The following NRCAM variants were observed in gnomAD, a reference collection of about 807,000 sequenced individuals.
NRCAM encodes neuronal cell adhesion molecule, also known as NgCAM-related cell adhesion molecule.
In NRCAM, 83 loss-of-function variants were observed where a neutral mutation model predicts 156.5. The ratio of observed to expected loss-of-function variants is 0.53; its 90% CI spans 0.44 to 0.64. NRCAM has a LOEUF of 0.64. NRCAM is among the 30% of genes least tolerant of loss of function. The probability of loss-of-function intolerance (pLI) is 0.00; values close to 1 mark genes in which losing one functional copy is unlikely to be tolerated. For synonymous variants in NRCAM, 538 were observed against 563.9 expected, an observed-to-expected ratio of 0.95 and a Z score of 0.65; for missense variants, 1,417 against 1,597.3, an observed-to-expected ratio of 0.89 and a Z score of 1.92.
intron 17 of NRCAM, among the ~76,000 whole-genome samples, chr7:108,193,429 A>G (rs1024911397): frequency 1.3e-5 from 2 of 152,202 alleles, no homozygotes; most frequent in Non-Finnish European, 2.9e-5. Flanking sequence ...AAACTAACAC[A>G]TATCTACTCT....
chr7:108,235,475 C>CT (rs2094852753), intron 5 of NRCAM, among the ~76,000 whole-genome samples: 2 of 152,158 alleles, frequency 1.3e-5, no homozygotes, highest in Non-Finnish European at 2.9e-5. Flanking sequence ...AGTGTTATGA[C>CT]AGGAAGTGAC....
chr7:108,265,974 G>A (rs757428459), intron 3 of NRCAM, among the ~76,000 whole-genome samples: 3 of 152,236 alleles, frequency 2.0e-5, no homozygotes, highest in Non-Finnish European at 4.4e-5. Context: ...TCAGCAGTTT[G>A]AATAGCTCTG....
At chr7:108,446,849 TCCTG>T (rs944824621) in intron 1 of NRCAM, among the ~76,000 whole-genome samples, 1 of 151,708 alleles carries the variant, frequency 6.6e-6, no homozygotes, top group Non-Finnish European at 1.5e-5. Flanking sequence ...TGCCTCAGCC[TCCTG>T]AGTAGCTGGG....
intron 2 of NRCAM, among the ~76,000 whole-genome samples, chr7:108,351,661 T>C (rs1054410204): frequency 2.6e-5 from 4 of 152,212 alleles, no homozygotes; most frequent in African/African-American, 9.6e-5. Flanking sequence ...AGGGAGATAC[T>C]GGACTTACTG....
chr7:108,230,955 A>T lies in NRCAM; in HGVS notation c.550+76T>A, dbSNP rs2094252909. The T allele has an allele frequency of 5.3e-6, 6 of 1,140,860 alleles. No homozygotes were observed. The Admixed American group carries it at 1.4e-4, about 26-fold the overall frequency. The allele number at this position is 1,140,860 out of a possible 1,614,324, so 70.7% of individuals were successfully genotyped here. ...TCTCTAAAACATTTTATGAATCATA[A>T]GAGGTAATAATGTATTATGACTGTA... On this transcript the variant is annotated intron_variant, in intron 8 of 32. Transcript: ENST00000379028.
intron 1 of NRCAM, among the ~76,000 whole-genome samples, chr7:108,449,025 C>A (rs961404315): frequency 2.0e-5 from 3 of 152,304 alleles, no homozygotes; most frequent in Non-Finnish European, 4.4e-5. Context: ...TTAGGGGGAA[C>A]AAGTGCATCT....
At chr7:108,220,779 T>C (rs1462558933) in intron 11 of NRCAM, among the ~76,000 whole-genome samples, 11 of 152,204 alleles carry the variant, frequency 7.2e-5, no homozygotes, top group African/African-American at 1.9e-4. Flanking sequence ...CTTCTAGATA[T>C]TGGATTAGGC....
chr7:108,247,773 A>G (rs1280442884), intron 3 of NRCAM, among the ~76,000 whole-genome samples: 1 of 152,210 alleles, frequency 6.6e-6, no homozygotes, highest in East Asian at 1.9e-4. Context: ...GAATCATACT[A>G]GAACTCTGGC....
chr7:108,384,228 T>C (rs918442140), intron 2 of NRCAM, among the ~76,000 whole-genome samples: 7 of 151,832 alleles, frequency 4.6e-5, no homozygotes, highest in Non-Finnish European at 2.9e-5. Context: ...CCTTCACATG[T>C]GCCCCCAAAT....
chr7:108,245,319 G>C (rs1430598696), intron 3 of NRCAM, among the ~76,000 whole-genome samples: 1 of 151,974 alleles, frequency 6.6e-6, no homozygotes, highest in Admixed American at 6.6e-5. Context: ...ACCAAGTTTA[G>C]TTACTGATGT....
Position 108,224,744 on chromosome 7 carries a change from CTTGAGAAAAA to C in NRCAM, c.778+891_778+900del, listed in dbSNP as rs2093139159. On this transcript the variant is annotated intron_variant, in intron 10 of 32. Coordinates refer to ENST00000379028, the MANE Select transcript of NRCAM (RefSeq NM_001037132.4). ...AAATTCAATGCCAGAAGATATATTA[CTTGAGAAAAA>C]TTAGTTTTCCTAAGAATTTAGAGAT... 2.6e-5 allele frequency among the ~76,000 whole-genome samples: 4 copies of C among 152,068 alleles called. No homozygotes were observed. The South Asian group carries it at 8.3e-4, about 32-fold the overall frequency.
At chr7:108,291,853 A>G (rs1456425187) in intron 3 of NRCAM, among the ~76,000 whole-genome samples, 1 of 152,214 alleles carries the variant, frequency 6.6e-6, no homozygotes, top group African/African-American at 2.4e-5. Flanking sequence ...CTGAAAGAAC[A>G]CTGTGGTGTT....
chr7:108,158,339 GA>G (rs2046774036), intron 32 of NRCAM, among the ~76,000 whole-genome samples: 2 of 152,110 alleles, frequency 1.3e-5, no homozygotes, highest in South Asian at 4.1e-4. Context: ...GATAATAAAG[GA>G]AAAACACAGG....
intron 3 of NRCAM, among the ~76,000 whole-genome samples, chr7:108,297,745 A>G (rs2098479410): frequency 6.6e-6 from 1 of 152,190 alleles, no homozygotes; most frequent in African/African-American, 2.4e-5. Context: ...AAAATAAAAC[A>G]AAGGAAGGGG....
chr7:108,281,626 C>A (rs527339410), intron 3 of NRCAM, among the ~76,000 whole-genome samples: 1 of 152,290 alleles, frequency 6.6e-6, no homozygotes, highest in Admixed American at 6.5e-5. Flanking sequence ...ACACTTGGAC[C>A]CACCAGAAAG....
At chr7:108,270,196 G>A (rs1374266363) in intron 3 of NRCAM, among the ~76,000 whole-genome samples, 1 of 152,192 alleles carries the variant, frequency 6.6e-6, no homozygotes, top group East Asian at 1.9e-4. Context: ...GCAATAGTTT[G>A]AGACTCAAAA....
At chr7:108,307,694 C>T (rs11768003) in intron 3 of NRCAM, among the ~76,000 whole-genome samples, 83,601 of 148,984 alleles carry the variant, frequency 0.56, 24,363 homozygotes, top group East Asian at 0.82. Flanking sequence ...AAAAAAAAAA[C>T]CCAAGCATCT....
At chr7:108,152,494 G>GT (rs1420429727) in intron 32 of NRCAM, among the ~76,000 whole-genome samples, 3 of 151,310 alleles carry the variant, frequency 2.0e-5, no homozygotes. Flanking sequence ...GTGGAACATT[G>GT]TAAGGACGCT....
intron 2 of NRCAM, among the ~76,000 whole-genome samples, chr7:108,358,462 AT>A (rs36012956): frequency 0.43 from 63,305 of 147,928 alleles, 13,430 homozygotes; most frequent in East Asian, 0.46. Context: ...ATTCCTACGT[AT>A]TTTTTTTTTT....
Sources: allele counts gnomAD v4.1 joint callset (sites outside exome capture counted in the v4.1 genomes callset), GRCh38; gene constraint gnomAD v4.1.1; transcripts MANE v1.5; gene names NCBI Gene and HGNC (gene_info 2026-07-23, HGNC 2026-07-21).